Variants in CYP20A1 observed in about 807,000 individuals in gnomAD.
CYP20A1 encodes the protein cytochrome P450 family 20 subfamily A member 1.
Under a neutral mutation model 61.4 loss-of-function variants are expected in CYP20A1, and 61 were observed. That is an observed-to-expected ratio of 0.99 (90% CI 0.81 to 1.23). CYP20A1 has a LOEUF of 1.23. Among genes scored for constraint, CYP20A1 ranks in the 50% most tolerant of loss-of-function variants. The pLI, the probability that CYP20A1 is intolerant of heterozygous loss-of-function variation, is 0.00. For synonymous variants in CYP20A1, 193 were observed against 188.2 expected (o/e 1.03, Z -0.21); for missense variants, 530 against 542.4 (o/e 0.98, Z 0.23).
At chr2:203,249,469 G>T (rs1448729229) in intron 3 of CYP20A1, among the ~76,000 whole-genome samples, 1 of 152,068 alleles carries the variant, frequency 6.6e-6, no homozygotes, top group Non-Finnish European at 1.5e-5. Flanking sequence ...TAAATAAAAA[G>T]GCACCATGAC....
chr2:203,288,698 C>T (rs2068405712), intron 9 of CYP20A1, among the ~76,000 whole-genome samples: 1 of 152,172 alleles, frequency 6.6e-6, no homozygotes, highest in Non-Finnish European at 1.5e-5. Flanking sequence ...TCTGTGCTTA[C>T]ATCTTTACTA....
At chr2:203,280,993 G>T (rs1032291720) in intron 8 of CYP20A1, among the ~76,000 whole-genome samples, 2 of 151,940 alleles carry the variant, frequency 1.3e-5, no homozygotes, top group Non-Finnish European at 2.9e-5. Context: ...CTATTACTAA[G>T]GTCTACCAAC....
At chr2:203,263,293 T>TCATGCC in intron 4 of CYP20A1, among the ~76,000 whole-genome samples, 8 of 150,670 alleles carry the variant, frequency 5.3e-5, no homozygotes, top group African/African-American at 2.0e-4. Flanking sequence ...CTGGCTTTTT[T>TCATGCC]TTTTTTTTTA....
At chr2:203,289,164 G>T (rs534279868) in intron 9 of CYP20A1, among the ~76,000 whole-genome samples, 6 of 152,052 alleles carry the variant, frequency 3.9e-5, no homozygotes, top group African/African-American at 1.4e-4. Flanking sequence ...GCTATGATTG[G>T]CAATCTTTAA....
Position 203,300,636 on chromosome 2 carries a change from TC to T in CYP20A1, c.*3731del, listed in dbSNP as rs1373087582. Among the ~76,000 whole-genome samples, 2 of 152,166 alleles carry T rather than the reference TC, an allele frequency of 1.3e-5. No individual in the cohort carries two copies. The highest frequency in any genetic ancestry group is 2.9e-5 in the Non-Finnish European group (2 of 68,022). ...CGGGCACAGTGGCTCACACCTGTAA[TC>T]CCAGCTCTTTGGGAGGCCAAGGCGG... On this transcript the variant is annotated 3_prime_UTR_variant, in exon 13 of 13. Transcript: ENST00000356079.
intron 6 of CYP20A1, 132 bp downstream of exon 6, chr2:203,272,880 G>A (rs1412202885): frequency 5.8e-5 from 27 of 464,262 alleles, no homozygotes; most frequent in Middle Eastern, 6.6e-4. Context: ...ACAGAGTCTC[G>A]CTCTGTTGCC....
At chr2:203,250,920 C>CAAGT (rs2066642300) in intron 3 of CYP20A1, among the ~76,000 whole-genome samples, 1 of 151,614 alleles carries the variant, frequency 6.6e-6, no homozygotes, top group South Asian at 2.1e-4. Flanking sequence ...AAAAATTAGC[C>CAAGT]GGGCATGCTG....
At chr2:203,272,550 CAA>C (rs368688435) in intron 5 of CYP20A1, 118 bp from the exon 6 acceptor site, 2,121 of 131,542 alleles carry the variant, frequency 0.016, no homozygotes, top group South Asian at 0.035. Flanking sequence ...AACCCTGACT[CAA>C]AAAAAAAAAA....
chr2:203,276,731 A>G (rs1045704664), intron 6 of CYP20A1, among the ~76,000 whole-genome samples: 2 of 152,188 alleles, frequency 1.3e-5, no homozygotes, highest in Admixed American at 1.3e-4. Context: ...TATGCTTCAG[A>G]CAACCAAGTG....
Position 203,301,472 on chromosome 2 carries a change from C to T in CYP20A1, c.*4564C>T, listed in dbSNP as rs971627211. ...GTTTTTTTGAGACAGGGTCTCCCTG[C>T]GTCGCCCAGTCTTGTCTCAAACTCC... On this transcript the variant is annotated 3_prime_UTR_variant, in exon 13 of 13. Transcript: ENST00000356079. Among the ~76,000 whole-genome samples, 10 of 151,828 alleles carry T rather than the reference C, an allele frequency of 6.6e-5. No homozygotes were observed. The highest frequency in any genetic ancestry group is 5.8e-4 in the East Asian group (3 of 5,174).
In CYP20A1 at chr2:203,299,081, G is replaced by A. The variant is rs2068924497; in HGVS notation, c.*2173G>A. 6.6e-6 allele frequency among the ~76,000 whole-genome samples: 1 copy of A among 151,916 alleles called. No individual in the cohort carries two copies. Among genetic ancestry groups the A allele is most frequent in the South Asian group, 2.1e-4 (1 of 4,820 alleles). The stretch of plus-strand genomic sequence containing the variant: ...AAGTGTCTTTCAAAATTACACTTTA[G>A]CACTTATAAATTTTATATATAATAC... On this transcript the variant is annotated 3_prime_UTR_variant, in exon 13 of 13. Transcript: ENST00000356079.
At chr2:203,287,953 G>T (rs2068355214) in intron 9 of CYP20A1, among the ~76,000 whole-genome samples, 1 of 148,236 alleles carries the variant, frequency 6.7e-6, no homozygotes, top group South Asian at 2.2e-4. Flanking sequence ...TTGGTTTTGG[G>T]GTGGAGTGTT....
chr2:203,240,096 AAAAC>A (rs796660849), intron 1 of CYP20A1, among the ~76,000 whole-genome samples: 99 of 152,262 alleles, frequency 6.5e-4, no homozygotes, highest in African/African-American at 1.8e-3. Context: ...CTCTTATCTC[AAAAC>A]AAACAAACAA....
At chr2:203,257,128 C>T (rs981381736) in intron 4 of CYP20A1, among the ~76,000 whole-genome samples, 5 of 151,520 alleles carry the variant, frequency 3.3e-5, no homozygotes, top group African/African-American at 1.2e-4. Context: ...TTTGGCCTCC[C>T]GTGATGAGAC....
intron 3 of CYP20A1, 149 bp from the exon 4 acceptor site, chr2:203,251,818 A>ATATGTGT (rs34132653): frequency 6.5e-5 from 5 of 77,312 alleles, no homozygotes; most frequent in Admixed American, 1.7e-4. Flanking sequence ...TATATATATA[A>ATATGTGT]AAAATAAAAA....
intron 1 of CYP20A1, among the ~76,000 whole-genome samples, chr2:203,244,423 C>T (rs62183876): frequency 0.44 from 66,672 of 151,886 alleles, 16,652 homozygotes; most frequent in Middle Eastern, 0.67. Context: ...TGGTCTTGAA[C>T]TCCTGACCTC....
chr2:203,275,722 G>A (rs1012948116), intron 6 of CYP20A1, among the ~76,000 whole-genome samples: 1 of 152,198 alleles, frequency 6.6e-6, no homozygotes, highest in Non-Finnish European at 1.5e-5. Context: ...TTACAGGCGT[G>A]AGCCACCGTG....
At position 203,270,124 on chromosome 2, in the gene CYP20A1, G is replaced by A. The variant is rs535518207; in HGVS notation, c.601-2546G>A. On this transcript the variant is annotated intron_variant, in intron 5 of 12. Transcript: ENST00000356079. ...ACGACAGGAAAATTTGCTGCATGTG[G>A]TAGTACATTCTTTTAGTCCCAACTG... 2.0e-3 allele frequency among the ~76,000 whole-genome samples: 304 copies of A among 152,190 alleles called. 2 individuals carry two copies. The highest frequency in any genetic ancestry group is 7.0e-3 in the African/African-American group (290 of 41,542).
At chr2:203,279,767 C>T (rs1257205129) in intron 7 of CYP20A1, among the ~76,000 whole-genome samples, 1 of 152,106 alleles carries the variant, frequency 6.6e-6, no homozygotes, top group African/African-American at 2.4e-5. Flanking sequence ...ACAACAAATA[C>T]CCTGATTTGA....
Sources: gnomAD v4.1 joint callset for allele counts (sites outside exome capture counted in the v4.1 genomes callset) on GRCh38, gnomAD v4.1.1 for gene constraint, MANE v1.5 for transcripts, NCBI Gene and HGNC (gene_info 2026-07-23, HGNC 2026-07-21) for gene names.